Variants in PAG1 observed in about 807,000 individuals in gnomAD.
The protein encoded by PAG1 is phosphoprotein membrane anchor with glycosphingolipid microdomains 1, also known as phosphoprotein associated with glycosphingolipid-enriched microdomains 1.
A neutral mutation model predicts 31.7 loss-of-function variants in PAG1; 23 were observed. That is an observed-to-expected ratio of 0.73 (90% CI 0.52 to 1.03). PAG1 has a LOEUF of 1.03. PAG1 is among the 50% of genes least tolerant of loss of function. The pLI is 0.00. For synonymous variants in PAG1, 214 were observed against 210.3 expected (o/e 1.02, Z -0.15); for missense variants, 473 against 540.7 (o/e 0.87, Z 1.24).
At chr8:81,095,553 A>T (rs747308931) in intron 1 of PAG1, among the ~76,000 whole-genome samples, 1 of 151,602 alleles carries the variant, frequency 6.6e-6, no homozygotes, top group African/African-American at 2.4e-5. Context: ...CCTCAGGGGG[A>T]CCCTCCCTAG....
At chr8:81,033,510 C>T (rs1379119519) in intron 2 of PAG1, among the ~76,000 whole-genome samples, 1 of 152,120 alleles carries the variant, frequency 6.6e-6, no homozygotes, top group Non-Finnish European at 1.5e-5. Context: ...CTTTTTCCAC[C>T]GAATGGAATT....
chr8:81,006,321 G>A (rs773925786), intron 3 of PAG1, among the ~76,000 whole-genome samples: 1 of 152,202 alleles, frequency 6.6e-6, no homozygotes, highest in Non-Finnish European at 1.5e-5. Context: ...AAGGACACAG[G>A]TCTCGTGCTT....
intron 2 of PAG1, among the ~76,000 whole-genome samples, chr8:81,068,790 C>G (rs1809049308): frequency 6.6e-6 from 1 of 152,124 alleles, no homozygotes; most frequent in Non-Finnish European, 1.5e-5. Flanking sequence ...CAAAAAAGTA[C>G]CACACAACGC....
intron 3 of PAG1, among the ~76,000 whole-genome samples, chr8:80,996,961 T>A (rs993553566): frequency 1.3e-5 from 2 of 151,236 alleles, no homozygotes; most frequent in Non-Finnish European, 2.9e-5. Flanking sequence ...ATTTCCAGAC[T>A]CTACACTGTG....
At chr8:81,068,563 A>G (rs1334446843) in intron 2 of PAG1, among the ~76,000 whole-genome samples, 2 of 152,250 alleles carry the variant, frequency 1.3e-5, no homozygotes, top group Non-Finnish European at 2.9e-5. Context: ...TAGTCAGAAA[A>G]AAAGCTCAGC....
chr8:80,991,305 G>A (rs899299047), intron 5 of PAG1, among the ~76,000 whole-genome samples, 174 bp downstream of exon 5: 1 of 152,156 alleles, frequency 6.6e-6, no homozygotes, highest in Non-Finnish European at 1.5e-5. Flanking sequence ...GCCATTTAAG[G>A]ATCATTCCGG....
intron 1 of PAG1, among the ~76,000 whole-genome samples, chr8:81,099,452 GC>G: frequency 6.6e-6 from 1 of 152,264 alleles, no homozygotes; most frequent in Admixed American, 6.5e-5. Context: ...CTTCTTTGCT[GC>G]ATGTTTCACT....
intron 2 of PAG1, among the ~76,000 whole-genome samples, chr8:81,060,015 T>C (rs1277114753): frequency 1.3e-5 from 2 of 150,200 alleles, no homozygotes; most frequent in Non-Finnish European, 3.0e-5. Context: ...TGAGACTCCA[T>C]CTAAAAAAAA....
chr8:81,049,676 TAGAAA>T (rs1480888374), intron 2 of PAG1, among the ~76,000 whole-genome samples: 1 of 152,150 alleles, frequency 6.6e-6, no homozygotes, highest in African/African-American at 2.4e-5. Flanking sequence ...ATAATAATGC[TAGAAA>T]GGATTCCTTA....
intron 1 of PAG1, among the ~76,000 whole-genome samples, chr8:81,073,208 C>T (rs1221233296): frequency 6.6e-6 from 1 of 152,268 alleles, no homozygotes; most frequent in East Asian, 1.9e-4. Flanking sequence ...TTCCTCAAAC[C>T]ACAGCGAATT....
chr8:81,084,015 A>G (rs1322710645), intron 1 of PAG1, among the ~76,000 whole-genome samples: 1 of 151,718 alleles, frequency 6.6e-6, no homozygotes, highest in Admixed American at 6.6e-5. Flanking sequence ...AGCATGGGCA[A>G]CAGAGCGAGA....
rs78830874 is a variant in PAG1 at position 81,006,508 on chromosome 8, G to A, written c.-80-13201C>T. ...AATCTAATCTCATAGCGGGTCCCCA[G>A]GGGCAGAGGCAGTGAAACTCCAGAA... On this transcript the variant is annotated intron_variant, in intron 3 of 8. Transcript: ENST00000220597. Among the ~76,000 whole-genome samples the A allele has an allele frequency of 1.0e-3, 152 of 152,256 alleles. 6 individuals are homozygous for A. The East Asian group carries it at 0.027, about 27-fold the overall frequency.
intron 2 of PAG1, among the ~76,000 whole-genome samples, chr8:81,062,293 C>T (rs1341834014): frequency 6.6e-6 from 1 of 152,246 alleles, no homozygotes; most frequent in East Asian, 1.9e-4. Flanking sequence ...AAACTCCTTG[C>T]ATTCACACTT....
chr8:81,033,695 A>C (rs553929916), intron 2 of PAG1, among the ~76,000 whole-genome samples: 94 of 152,368 alleles, frequency 6.2e-4, no homozygotes, highest in Non-Finnish European at 1.1e-3. Flanking sequence ...AGAAGGCCCA[A>C]GCAAGTGAAC....
At chr8:81,008,079 G>A (rs906009702) in intron 3 of PAG1, among the ~76,000 whole-genome samples, 7 of 109,480 alleles carry the variant, frequency 6.4e-5, no homozygotes, top group East Asian at 2.3e-4. Context: ...TTTGTCCATC[G>A]GATTAAATAA....
At chr8:81,079,158 A>G (rs1429108783) in intron 1 of PAG1, among the ~76,000 whole-genome samples, 1 of 151,372 alleles carries the variant, frequency 6.6e-6, no homozygotes, top group African/African-American at 2.4e-5. Flanking sequence ...CAGCCTTTCC[A>G]CTCCTTGATT....
At chr8:81,095,374 C>G (rs1217305105) in intron 1 of PAG1, among the ~76,000 whole-genome samples, 3 of 152,186 alleles carry the variant, frequency 2.0e-5, no homozygotes, top group Non-Finnish European at 4.4e-5. Flanking sequence ...GAGTTATCTT[C>G]CTAAATATAA....
intron 2 of PAG1, among the ~76,000 whole-genome samples, chr8:81,069,248 G>T (rs1360388430): frequency 3.3e-5 from 5 of 152,202 alleles, no homozygotes; most frequent in East Asian, 1.9e-4. Context: ...TTGAAGCAAA[G>T]ATTTAATTAA....
intron 7 of PAG1, 46 bp from the exon 8 acceptor site, chr8:80,980,540 A>C: frequency 8.3e-7 from 1 of 1,204,946 alleles, no homozygotes; most frequent in East Asian, 2.3e-5. Context: ...AGCGTTAACA[A>C]TCTAACCTTT....
Sources: gnomAD v4.1 joint callset for allele counts (sites outside exome capture counted in the v4.1 genomes callset) on GRCh38, gnomAD v4.1.1 for gene constraint, MANE v1.5 for transcripts, NCBI Gene and HGNC (gene_info 2026-07-23, HGNC 2026-07-21) for gene names.